NPC1: variants seen among roughly 807,000 people sequenced by gnomAD.
NPC1 encodes NPC intracellular cholesterol transporter 1, also known as Niemann-Pick C1 protein.
A neutral mutation model predicts 140.4 loss-of-function variants in NPC1; 85 were observed. The observed-to-expected ratio is 0.61, with a 90% CI of 0.51 to 0.72. The LOEUF is 0.72. Ranked by LOEUF, NPC1 falls within the 30% of genes least tolerant of loss-of-function variation. NPC1 has a pLI of 0.00. For synonymous variants in NPC1, 656 were observed against 624.8 expected, an observed-to-expected ratio of 1.05 and a Z score of -0.74; for missense variants, 1,504 against 1,623.8, an observed-to-expected ratio of 0.93 and a Z score of 1.27.
intron 4 of NPC1, among the ~76,000 whole-genome samples, chr18:23,567,568 C>T (rs572815463): frequency 3.3e-5 from 5 of 152,200 alleles, no homozygotes; most frequent in African/African-American, 1.2e-4. Context: ...AATACTTTCT[C>T]CCAGTCTGTG....
intron 5 of NPC1, 97 bp from the exon 6 acceptor site, chr18:23,560,577 A>G: frequency 8.3e-7 from 1 of 1,211,836 alleles, no homozygotes; most frequent in Non-Finnish European, 1.2e-6. Flanking sequence ...TGAAATACAT[A>G]AAACAACTGA....
chr18:23,584,676 C>A (rs960834974), intron 1 of NPC1, among the ~76,000 whole-genome samples: 1 of 152,116 alleles, frequency 6.6e-6, no homozygotes, highest in Admixed American at 6.5e-5. Flanking sequence ...CTGACCAACA[C>A]GGTGAAACCC....
At chr18:23,519,002 C>CCT (rs776122477), downstream of NPC1, 1 of 1,613,242 alleles carries the variant, frequency 6.2e-7, no homozygotes, top group Admixed American at 1.7e-5. Context: ...CTTTGTTTTC[C>CCT]CTCTCTCTCT....
downstream of NPC1, among the ~76,000 whole-genome samples, chr18:23,525,571 T>TGC (rs2145255059): frequency 6.6e-6 from 1 of 152,266 alleles, no homozygotes; most frequent in East Asian, 1.9e-4. Flanking sequence ...ATTACAGGCA[T>TGC]GCGCCACCAC....
rs769887943 is a variant in NPC1, at chr18:23,534,515, C to T, written c.3522G>A (p.Ala1174=). 3.7e-6 allele frequency: 6 copies of T among 1,614,156 alleles called. No homozygotes were observed. Among genetic ancestry groups the T allele is most frequent in the East Asian group, 2.2e-5 (1 of 44,880 alleles). ...SVEFCSHITR[A]FTVSMKGSRV... ...GGCTGCCTTTCATGCTCACCGTGAA[C>T]GCTCTGGTTATGTGGCTGCAGAACT... Residue 1174 remains alanine, a synonymous_variant, in exon 23 of 25, where the codon GCG becomes GCA. Transcript: ENST00000269228.
downstream of NPC1, chr18:23,529,623 T>A: frequency 6.2e-7 from 1 of 1,612,452 alleles, no homozygotes; most frequent in Non-Finnish European, 8.5e-7. Flanking sequence ...GACCACATTT[T>A]TTTCTCCCTA....
intron 3 of NPC1, chr18:23,515,724 G>C: frequency 2.0e-6 from 2 of 986,552 alleles, no homozygotes; most frequent in Non-Finnish European, 3.0e-6. Flanking sequence ...GTAGAGATGG[G>C]GTTTTACCAT....
intron 3 of NPC1, chr18:23,516,419 A>G: frequency 2.5e-6 from 4 of 1,613,678 alleles, no homozygotes; most frequent in Middle Eastern, 1.6e-4. Context: ...CGCAATGGCT[A>G]CCATGTATGT....
At chr18:23,583,568 G>A (rs943603589) in intron 1 of NPC1, among the ~76,000 whole-genome samples, 1 of 151,792 alleles carries the variant, frequency 6.6e-6, no homozygotes, top group African/African-American at 2.4e-5. Context: ...GGAGGTCAAA[G>A]GGCAGAAAGG....
downstream of NPC1, chr18:23,529,037 A>T (rs1407633276): frequency 1.5e-6 from 2 of 1,373,742 alleles, no homozygotes; most frequent in Non-Finnish European, 1.9e-6. Flanking sequence ...GCGCACAGGA[A>T]AAAGTTGTAT....
Position 23,510,029 on chromosome 18 carries a change from A to G in NPC1, c.432-3387T>C, listed in dbSNP as rs140896635. On this transcript the variant is annotated intron_variant, in intron 3 of 3. Transcript: ENST00000591107. The stretch of plus-strand genomic sequence containing the variant: ...TTGCAAGTAATAAATTAAAAAAAAA[A>G]AAAAGAAAAGAAAAAGGGCTTGGTG... 1.6e-3 allele frequency among the ~76,000 whole-genome samples: 240 copies of G among 150,882 alleles called. 5 individuals carry two copies. In the East Asian group the frequency reaches 0.029, roughly 18 times the overall value.
downstream of NPC1, among the ~76,000 whole-genome samples, chr18:23,525,505 AC>A (rs2058272180): frequency 6.6e-6 from 1 of 151,018 alleles, no homozygotes; most frequent in African/African-American, 2.4e-5. Flanking sequence ...GCTCACTGCA[AC>A]CTCCAACTCC....
At chr18:23,561,164 AC>A (rs2059032861) in intron 5 of NPC1, among the ~76,000 whole-genome samples, 195 bp downstream of exon 5, 1 of 152,132 alleles carries the variant, frequency 6.6e-6, no homozygotes, top group Admixed American at 6.6e-5. Flanking sequence ...GATGCATGCC[AC>A]CACACCTGGC....
At chr18:23,541,553 G>T in intron 14 of NPC1, 120 bp from the exon 15 acceptor site, 1 of 1,280,604 alleles carries the variant, frequency 7.8e-7, no homozygotes, top group Non-Finnish European at 1.1e-6. Flanking sequence ...GCATGAGAAG[G>T]CATGCTGCGG....
At position 23,535,443 on chromosome 18, in the gene NPC1, C is replaced by A. The variant is rs199529804; in HGVS notation, c.3477+26G>T. 8 of 1,524,166 alleles carry A rather than the reference C, an allele frequency of 5.2e-6. No individual in the cohort carries two copies. The Admixed American group carries it at 1.0e-4, about 20-fold the overall frequency. The allele number at this position is 1,524,166 out of a possible 1,614,324, so 94.4% of individuals were successfully genotyped here. A position where few individuals can be genotyped will look rare whatever the true frequency, so the allele number is the denominator to read the frequency against. On this transcript the variant is annotated intron_variant, in intron 22 of 24. Transcript: ENST00000269228. ...CCCCAAGTGAAACAGGAGCTAGGGA[C>A]AAACTGAGACTGTATGAGGACTCAC...
At chr18:23,515,313 C>G (rs948830897) in intron 3 of NPC1, among the ~76,000 whole-genome samples, 5 of 152,144 alleles carry the variant, frequency 3.3e-5, no homozygotes, top group Admixed American at 2.6e-4. Context: ...ACTCTTGGAG[C>G]CTTGTTTCTC....
intron 4 of NPC1, among the ~76,000 whole-genome samples, chr18:23,567,777 A>G (rs552128493): frequency 5.9e-4 from 90 of 152,338 alleles, no homozygotes; most frequent in African/African-American, 1.9e-3. Context: ...TTTTGAAACG[A>G]TTGTACCAAA....
chr18:23,524,276 G>A (rs2058229902), intron 1 of NPC1: 10 of 1,512,842 alleles, frequency 6.6e-6, no homozygotes, highest in South Asian at 1.1e-5. Flanking sequence ...ATAACACTCC[G>A]AGAGCCACCC....
intron 4 of NPC1, among the ~76,000 whole-genome samples, chr18:23,566,595 C>A (rs1308600273): frequency 2.4e-5 from 3 of 125,902 alleles, no homozygotes; most frequent in African/African-American, 6.6e-5. Context: ...AAATAAAATA[C>A]TTACACACAC....
Sources: gnomAD v4.1 joint callset for allele counts (sites outside exome capture counted in the v4.1 genomes callset) on GRCh38, gnomAD v4.1.1 for gene constraint, MANE v1.5 for transcripts, NCBI Gene and HGNC (gene_info 2026-07-23, HGNC 2026-07-21) for gene names.